Variants in FSTL4 observed in about 807,000 individuals in gnomAD.
FSTL4 encodes follistatin like 4.
In FSTL4, 28 loss-of-function variants were observed where a neutral mutation model predicts 78.2. That is an observed-to-expected ratio of 0.36 (90% confidence interval 0.27 to 0.49). The LOEUF (loss-of-function observed/expected upper bound fraction) is 0.49. Ranked by LOEUF, FSTL4 falls within the 20% of genes least tolerant of loss-of-function variation. FSTL4 has a pLI of 0.98. For synonymous variants in FSTL4, 422 were observed against 440.5 expected (o/e 0.96, Z 0.53); for missense variants, 922 against 1,084.9 (o/e 0.85, Z 2.11).
At chr5:133,780,268 T>A in the FSTL4 span, among the ~76,000 whole-genome samples, 24 of 152,180 alleles carry the variant, frequency 1.6e-4, 1 homozygote, top group South Asian at 5.0e-3. Context: ...CGCAGACACG[T>A]GGGGATATGG....
rs1753097543 is a variant in FSTL4, at chr5:133,285,009, C to A, written c.727+27645G>T. 2.0e-5 allele frequency among the ~76,000 whole-genome samples: 3 copies of A among 152,158 alleles called. No individual in the cohort carries two copies. In the South Asian group the frequency reaches 6.2e-4, roughly 31 times the overall value. On this transcript the variant is annotated intron_variant, in intron 6 of 15. Transcript: ENST00000265342. ...GTGGGAAATAGGGAGCCAGCGAAGG[C>A]TCTGGAGTAAGTGGGCACAAGATGA... is the stretch of plus-strand genomic sequence containing the variant.
the FSTL4 span, among the ~76,000 whole-genome samples, chr5:133,824,072 C>T: frequency 6.6e-6 from 1 of 152,224 alleles, no homozygotes; most frequent in African/African-American, 2.4e-5. Context: ...ATACTTCTGA[C>T]ACCAGATGCA....
the FSTL4 span, among the ~76,000 whole-genome samples, chr5:133,833,252 C>T: frequency 6.6e-6 from 1 of 152,186 alleles, no homozygotes; most frequent in Non-Finnish European, 1.5e-5. Flanking sequence ...GAGGTTGTTA[C>T]TGCAGCAAAC....
At chr5:133,632,037 A>G in the FSTL4 span, among the ~76,000 whole-genome samples, 2 of 152,112 alleles carry the variant, frequency 1.3e-5, no homozygotes, top group Admixed American at 1.3e-4. Context: ...TAGGAGAAAT[A>G]CCTAATGTAG....
intron 3 of FSTL4, among the ~76,000 whole-genome samples, chr5:133,415,970 G>A (rs978381499): frequency 3.3e-5 from 5 of 152,162 alleles, no homozygotes; most frequent in South Asian, 2.1e-4. Flanking sequence ...TCCTTACCCC[G>A]CTTTCAGAGA....
rs141973191 is a variant in FSTL4 at position 133,264,178 on chromosome 5, T to C, written c.728-14602A>G. Among the ~76,000 whole-genome samples the C allele has an allele frequency of 2.9e-3, 438 of 152,284 alleles. 3 individuals carry two copies. The highest frequency in any genetic ancestry group is 9.9e-3 in the African/African-American group (413 of 41,552). On this transcript the variant is annotated intron_variant, in intron 6 of 15. Coordinates refer to ENST00000265342, the MANE Select transcript of FSTL4 (RefSeq NM_015082.2). ...ACAGAACAGTCTCCATGACAAAGAA[T>C]TAAATGGCTCCAAATACCAATAGTG... is the stretch of plus-strand genomic sequence containing the variant.
At chr5:133,780,017 G>A in the FSTL4 span, among the ~76,000 whole-genome samples, 1 of 152,192 alleles carries the variant, frequency 6.6e-6, no homozygotes, top group Non-Finnish European at 1.5e-5. Flanking sequence ...CCTCTGGGGA[G>A]CCCTGGAAAC....
At chr5:133,609,201 C>T (rs899599389) in intron 1 of FSTL4, among the ~76,000 whole-genome samples, 1 of 152,146 alleles carries the variant, frequency 6.6e-6, no homozygotes, top group Admixed American at 6.5e-5. Flanking sequence ...GCCACCCAGC[C>T]TTGAAGAGAA....
the FSTL4 span, among the ~76,000 whole-genome samples, chr5:133,746,679 CT>C: frequency 2.8e-3 from 433 of 152,156 alleles, no homozygotes; most frequent in African/African-American, 0.01. Context: ...TAGACAGAAA[CT>C]GGTATTGCAA....
chr5:133,562,393 G>C (rs1759933335), intron 3 of FSTL4, among the ~76,000 whole-genome samples: 1 of 152,154 alleles, frequency 6.6e-6, no homozygotes, highest in Non-Finnish European at 1.5e-5. Context: ...ACTATAAAGG[G>C]GCTATTGGAG....
intron 1 of FSTL4, among the ~76,000 whole-genome samples, chr5:133,606,330 G>C (rs1760977355): frequency 6.6e-6 from 1 of 152,036 alleles, no homozygotes; most frequent in African/African-American, 2.4e-5. Flanking sequence ...ATGTTGGTCA[G>C]GCTGGTCTCG....
intron 4 of FSTL4, among the ~76,000 whole-genome samples, chr5:133,395,560 A>C (rs111797120): frequency 6.6e-6 from 1 of 152,124 alleles, no homozygotes; most frequent in Non-Finnish European, 1.5e-5. Flanking sequence ...TGGACACAAC[A>C]CTGGTCAGCT....
intron 4 of FSTL4, among the ~76,000 whole-genome samples, chr5:133,399,160 G>A (rs1197034921): frequency 6.6e-6 from 1 of 152,180 alleles, no homozygotes; most frequent in East Asian, 1.9e-4. Flanking sequence ...CAATTTGAAG[G>A]ATATTGGAAA....
At chr5:133,265,997 C>A (rs552106791) in intron 6 of FSTL4, among the ~76,000 whole-genome samples, 1 of 152,210 alleles carries the variant, frequency 6.6e-6, no homozygotes. Flanking sequence ...GGCAGCCCTA[C>A]AAGTCCTGGT....
At chr5:133,829,630 T>G in the FSTL4 span, among the ~76,000 whole-genome samples, 5 of 152,082 alleles carry the variant, frequency 3.3e-5, no homozygotes, top group African/African-American at 1.2e-4. Flanking sequence ...GGGTTCATGG[T>G]TTTGCTGCCC....
At chr5:133,425,000 C>T (rs1471798708) in intron 3 of FSTL4, among the ~76,000 whole-genome samples, 1 of 152,130 alleles carries the variant, frequency 6.6e-6, no homozygotes, top group Non-Finnish European at 1.5e-5. Context: ...GATATAGCAA[C>T]ATTTCTTATG....
At chr5:133,273,357 CTAGCCTAA>C (rs1295883637) in intron 6 of FSTL4, among the ~76,000 whole-genome samples, 3 of 152,330 alleles carry the variant, frequency 2.0e-5, no homozygotes, top group Non-Finnish European at 4.4e-5. Context: ...TCAATTTGGA[CTAGCCTAA>C]TTTCAGGTGC....
chr5:133,364,212 G>A lies in FSTL4; in HGVS notation c.409+36526C>T, dbSNP rs576762710. 2.6e-5 allele frequency among the ~76,000 whole-genome samples: 4 copies of A among 152,164 alleles called. No homozygotes were observed. In the South Asian group the frequency reaches 6.2e-4, roughly 24 times the overall value. ...GCTCAGCAAGGGACATGTTCAAAGT[G>A]CATCTTGAGCTAGGCTCTGTTTCTG... On this transcript the variant is annotated intron_variant, in intron 4 of 15. Coordinates refer to ENST00000265342, the MANE Select transcript of FSTL4 (RefSeq NM_015082.2).
chr5:133,492,981 A>G (rs1282902542), intron 3 of FSTL4, among the ~76,000 whole-genome samples: 1 of 151,960 alleles, frequency 6.6e-6, no homozygotes, highest in Non-Finnish European at 1.5e-5. Flanking sequence ...GCTGTACCTA[A>G]TATGTTTTTA....
Sources: allele counts gnomAD v4.1 joint callset (sites outside exome capture counted in the v4.1 genomes callset), GRCh38; gene constraint gnomAD v4.1.1; transcripts MANE v1.5; gene names NCBI Gene and HGNC (gene_info 2026-07-23, HGNC 2026-07-21).